ZNF423: variants seen among roughly 807,000 people sequenced by gnomAD.
ZNF423 encodes the protein Ebf-associated zinc finger protein.
A neutral mutation model predicts 95.8 loss-of-function variants in ZNF423; 12 were observed. That is an observed-to-expected ratio of 0.13 (90% CI 0.08 to 0.20). The LOEUF is 0.20. ZNF423 is among the 10% of genes least tolerant of loss of function. The pLI is 1.00. For synonymous variants in ZNF423, 749 were observed against 711.9 expected, an observed-to-expected ratio of 1.05 and a Z score of -0.83; for missense variants, 1,316 against 1,737.1, an observed-to-expected ratio of 0.76 and a Z score of 4.31.
At chr16:49,770,580 C>A (rs1212593885) in intron 2 of ZNF423, among the ~76,000 whole-genome samples, 1 of 152,014 alleles carries the variant, frequency 6.6e-6, no homozygotes, top group African/African-American at 2.4e-5. Flanking sequence ...CAGGCCCCCC[C>A]AGAAGACTCA....
At chr16:49,815,871 AAAAAAAAAAAATATATATATATAT>A (rs2034830502) in intron 1 of ZNF423, among the ~76,000 whole-genome samples, 1 of 25,834 alleles carries the variant, frequency 3.9e-5, no homozygotes, top group African/African-American at 1.8e-4. Context: ...CCAAACAAAC[AAAAAAAAAAAATATATATATATAT>A]ATATATATAT....
chr16:49,657,295 A>G (rs891113755), intron 3 of ZNF423, among the ~76,000 whole-genome samples: 1 of 152,042 alleles, frequency 6.6e-6, no homozygotes, highest in African/African-American at 2.4e-5. Context: ...GGATGGAGAA[A>G]CTCCCCAAAA....
chr16:49,703,966 A>G lies in ZNF423; in HGVS notation c.301+26805T>C, dbSNP rs1379199632. Among the ~76,000 whole-genome samples, 3 of 152,228 alleles carry G rather than the reference A, an allele frequency of 2.0e-5. No homozygotes were observed. The East Asian group carries it at 5.8e-4, about 29-fold the overall frequency. ...AACTGATGAGTGATGCGCCCAGGCC[A>G]TAAATAAAAGCCATTTAAGTCTACC... On this transcript the variant is annotated intron_variant, in intron 3 of 7. Transcript: ENST00000563137.
chr16:49,558,036 TAC>T (rs1969892429), intron 5 of ZNF423, among the ~76,000 whole-genome samples: 1 of 152,124 alleles, frequency 6.6e-6, no homozygotes, highest in African/African-American at 2.4e-5. Flanking sequence ...GGACTGGAGC[TAC>T]ACAGTGTCAT....
intron 5 of ZNF423, among the ~76,000 whole-genome samples, chr16:49,542,727 A>G (rs1969297748): frequency 6.6e-6 from 1 of 152,140 alleles, no homozygotes; most frequent in Admixed American, 6.5e-5. Context: ...CACCCTGGGG[A>G]GGAGGCAGCT....
At chr16:49,767,779 A>G (rs569144465) in intron 2 of ZNF423, among the ~76,000 whole-genome samples, 1 of 152,184 alleles carries the variant, frequency 6.6e-6, no homozygotes, top group Non-Finnish European at 1.5e-5. Flanking sequence ...AATCCTCTGA[A>G]GTCCACGCAT....
In ZNF423 at chr16:49,855,942, C is replaced by T. The variant is rs2035362883; in HGVS notation, c.-168G>A. 6.6e-6 allele frequency: 1 copy of T among 150,722 alleles called. No homozygotes were observed. The highest frequency in any genetic ancestry group is 6.6e-5 in the Admixed American group (1 of 15,204). 9.3% of individuals were successfully genotyped at this position (150,722 alleles called of 1,614,324 possible). On this transcript the variant is annotated 5_prime_UTR_variant, in exon 1 of 8. Coordinates refer to ENST00000563137, the MANE Select transcript of ZNF423 (RefSeq NM_001379286.1). This position sits in a 1 kb window ranked among gnomAD's most constrained non-coding sequence, Gnocchi z 4.7. ...GAGCGGACCGCAGGTCCGGGGCGGC[C>T]TCCCTTGGGGGGGCAGCCCGGGCCG...
At chr16:49,597,951 A>T (rs998550622) in intron 5 of ZNF423, among the ~76,000 whole-genome samples, 16 of 152,154 alleles carry the variant, frequency 1.1e-4, no homozygotes, top group Non-Finnish European at 2.2e-4. Context: ...ATCCTCTCCT[A>T]AACCCAAACA....
At position 49,577,329 on chromosome 16, in the gene ZNF423, C is replaced by T. The variant is rs1028860141; in HGVS notation, c.3601+48841G>A. Reference sequence around the variant, plus strand: ...TTAGCTTATGTAATTCTCACTAGCACATAAGGAGAGGGTACCGTTATCATC... The same window carrying T: ...TTAGCTTATGTAATTCTCACTAGCATATAAGGAGAGGGTACCGTTATCATC... On this transcript the variant is annotated intron_variant, in intron 5 of 7. Coordinates refer to ENST00000563137, the MANE Select transcript of ZNF423 (RefSeq NM_001379286.1). Among the ~76,000 whole-genome samples, 7 of 152,182 alleles carry T rather than the reference C, an allele frequency of 4.6e-5. No homozygotes were observed. In the East Asian group the frequency reaches 1.2e-3, roughly 25 times the overall value.
intron 3 of ZNF423, among the ~76,000 whole-genome samples, chr16:49,719,777 C>A (rs564807496): frequency 6.6e-6 from 1 of 152,336 alleles, no homozygotes; most frequent in Admixed American, 6.5e-5. Context: ...TGAGGAAATG[C>A]AAGTCAATTA....
intron 5 of ZNF423, among the ~76,000 whole-genome samples, chr16:49,532,336 A>G (rs1364973118): frequency 1.3e-5 from 2 of 152,230 alleles, no homozygotes; most frequent in East Asian, 3.9e-4. Context: ...TCCTCACTCA[A>G]GACCGCTCAG....
chr16:49,504,943 C>T (rs773200344), intron 7 of ZNF423, among the ~76,000 whole-genome samples: 7 of 152,158 alleles, frequency 4.6e-5, no homozygotes, highest in Non-Finnish European at 8.8e-5. Flanking sequence ...GCAAAGGGGG[C>T]CCTGATGGCT....
chr16:49,666,496 G>A (rs1427580627), intron 3 of ZNF423, among the ~76,000 whole-genome samples: 2 of 152,166 alleles, frequency 1.3e-5, no homozygotes, highest in Admixed American at 6.5e-5. Flanking sequence ...TACATGCACG[G>A]TTGCCTATTC....
intron 5 of ZNF423, among the ~76,000 whole-genome samples, chr16:49,558,262 G>C (rs557333152): frequency 6.6e-6 from 1 of 152,226 alleles, no homozygotes. Flanking sequence ...TCTCTGCACA[G>C]GGCTAAGGAG....
intron 5 of ZNF423, among the ~76,000 whole-genome samples, chr16:49,583,497 A>G (rs941918747): frequency 6.6e-5 from 10 of 152,246 alleles, no homozygotes; most frequent in Non-Finnish European, 1.2e-4. Context: ...TATTAAGCCT[A>G]TCAATTTTAT....
rs74902764 is a variant in ZNF423, at chr16:49,706,823, G to A, written c.301+23948C>T. Among the ~76,000 whole-genome samples, 1,361 of 152,276 alleles carry A rather than the reference G, an allele frequency of 8.9e-3. 20 individuals carry two copies. The highest frequency in any genetic ancestry group is 0.032 in the African/African-American group (1,315 of 41,560). On this transcript the variant is annotated intron_variant, in intron 3 of 7. Transcript: ENST00000563137. ...AGAAAGTCCAGAACCCAGACAAAGT[G>A]AGGTAATGGCTCCGGGCACCAACAA...
chr16:49,788,131 G>A (rs1450572260), intron 2 of ZNF423, among the ~76,000 whole-genome samples: 3 of 152,252 alleles, frequency 2.0e-5, no homozygotes, highest in South Asian at 2.1e-4. Flanking sequence ...CACTTACCAC[G>A]TTGGCTTCAG....
rs150234048 is a variant in ZNF423 at position 49,636,864 on chromosome 16, G to A, written c.2312C>T (p.Ala771Val). ...TACNWDFRKE[A>V]DLQVHVKHSH... ...GTGTTTGACGTGCACCTGCAGGTCA[G>A]CCTCCTTGCGGAAGTCCCAGTTGCA... Residue 771 changes from alanine (A) to valine (V), a missense_variant, in exon 4 of 8, where the codon GCT becomes GTT. Around this residue, in one of 6 missense-constraint regions of ZNF423, gnomAD observed 620 missense variants for 775.6 expected, o/e 0.80. Transcript: ENST00000563137. This position sits in a 1 kb window ranked among gnomAD's most constrained non-coding sequence, Gnocchi z 8.6. 100 of 1,614,040 alleles carry A rather than the reference G, an allele frequency of 6.2e-5. No homozygotes were observed. In the African/African-American group the frequency reaches 1.2e-3, roughly 20 times the overall value.
Position 49,637,890 on chromosome 16 carries a change from C to T in ZNF423, c.1286G>A (p.Ser429Asn). 1 of 1,614,184 alleles carries T rather than the reference C, an allele frequency of 6.2e-7. No individual in the cohort carries two copies. Among genetic ancestry groups the T allele is most frequent in the Non-Finnish European group, 8.5e-7 (1 of 1,180,046 alleles). ...CAGGTGGATCTCCAGCACGGCCAGG[C>T]TGTTAAAGTCCCGCTTGGAACAATA... ...CPYCSKRDFN[S>N]LAVLEIHLKT... The change falls in exon 4 of 8, where the codon AGC becomes AAC. Residue 429 changes from serine to asparagine, a missense_variant. Physicochemically the swap from Ser to Asn is conservative, Grantham distance 46. Transcript: ENST00000563137. This position sits in a 1 kb window ranked among gnomAD's most constrained non-coding sequence, Gnocchi z 5.6.
Sources: gnomAD v4.1 joint callset for allele counts (sites outside exome capture counted in the v4.1 genomes callset) on GRCh38, gnomAD v4.1.1 for gene constraint, gnomAD v4.1.1 regional missense constraint, Gnocchi (gnomAD v3.1) non-coding constraint, MANE v1.5 for transcripts, NCBI Gene and HGNC (gene_info 2026-07-23, HGNC 2026-07-21) for gene names.